SPON1: variants seen among roughly 807,000 people sequenced by gnomAD.
SPON1 encodes the protein spondin 1.
In SPON1, 52 loss-of-function variants were observed where a neutral mutation model predicts 111.7. That is an observed-to-expected ratio of 0.47 (90% CI 0.37 to 0.59). The LOEUF is 0.59. SPON1 is among the 20% of genes least tolerant of loss of function. SPON1 has a pLI of 0.00. For synonymous variants in SPON1, 410 were observed against 395.8 expected, an observed-to-expected ratio of 1.04 and a Z score of -0.43; for missense variants, 957 against 1,068.5, an observed-to-expected ratio of 0.90 and a Z score of 1.46.
chr11:14,006,499 G>A (rs1417925162), intron 2 of SPON1, among the ~76,000 whole-genome samples: 3 of 152,180 alleles, frequency 2.0e-5, no homozygotes, highest in African/African-American at 7.2e-5. Flanking sequence ...GGAGATGAAT[G>A]CCACAGACAT....
rs1849290818 is a variant in SPON1, at chr11:14,267,939, C to T, written c.*2252C>T. ...TTTCAATGCCAAACCAGCTGTGATC[C>T]AATTTACATCCACATTTTAGGTCCA... is the stretch of plus-strand genomic sequence containing the variant. On this transcript the variant is annotated 3_prime_UTR_variant, in exon 16 of 16. Coordinates refer to ENST00000576479, the MANE Select transcript of SPON1 (RefSeq NM_006108.4). 6.6e-6 allele frequency: 1 copy of T among 152,008 alleles called. No homozygotes were observed. Among genetic ancestry groups the T allele is most frequent in the African/African-American group, 2.4e-5 (1 of 41,386 alleles). The allele number at this position is 152,008 out of a possible 1,614,324, so 9.4% of individuals were successfully genotyped here.
intron 6 of SPON1, among the ~76,000 whole-genome samples, chr11:14,206,550 GA>G (rs777647922): frequency 9.2e-5 from 14 of 152,106 alleles, no homozygotes; most frequent in Non-Finnish European, 1.2e-4. Flanking sequence ...TTTGCTCTTA[GA>G]AGTAATAATT....
chr11:13,970,797 A>C (rs2133774340), intron 1 of SPON1, among the ~76,000 whole-genome samples: 1 of 152,140 alleles, frequency 6.6e-6, no homozygotes, highest in South Asian at 2.1e-4. Context: ...CTACCAATTT[A>C]TGTTTCCCGT....
intron 1 of SPON1, among the ~76,000 whole-genome samples, chr11:13,979,720 A>G (rs1335736972): frequency 6.6e-6 from 1 of 152,256 alleles, no homozygotes; most frequent in Non-Finnish European, 1.5e-5. Context: ...CAAGAGCCAC[A>G]GGGGCTGGCC....
At position 14,135,611 on chromosome 11, in the gene SPON1, A is replaced by G. The variant is rs1554928001; in HGVS notation, c.825+43A>G. On this transcript the variant is annotated intron_variant, in intron 6 of 15. Transcript: ENST00000576479. The surrounding 1 kb of genome is among the most constrained non-coding windows in gnomAD (Gnocchi z 4.4). ...CAGAATGACCAAATAACAGAAATGC[A>G]GTCAAAGCACTCCTTAGATATCTTT... 3.8e-6 allele frequency: 6 copies of G among 1,594,034 alleles called. No homozygotes were observed. The highest frequency in any genetic ancestry group is 5.2e-6 in the Non-Finnish European group (6 of 1,164,806).
chr11:14,267,004 T>G lies in SPON1; in HGVS notation c.*1317T>G, dbSNP rs1206201934. 2.0e-5 allele frequency: 3 copies of G among 152,264 alleles called. No homozygotes were observed. Among genetic ancestry groups the G allele is most frequent in the Non-Finnish European group, 4.4e-5 (3 of 68,062 alleles). The allele number at this position is 152,264 out of a possible 1,614,324, so 9.4% of individuals were successfully genotyped here. Reference sequence around the variant, plus strand: ...TCAGCAGTTTTTCTTCCTGCATTTATTGTTGAAAACTATTGTTTCATTTCT... The same window carrying G: ...TCAGCAGTTTTTCTTCCTGCATTTAGTGTTGAAAACTATTGTTTCATTTCT... On this transcript the variant is annotated 3_prime_UTR_variant, in exon 16 of 16. Transcript: ENST00000576479.
In SPON1 at chr11:14,236,826, G is replaced by A. The variant is rs563112957; in HGVS notation, c.826-6506G>A. On this transcript the variant is annotated intron_variant, in intron 6 of 15. Transcript: ENST00000576479. ...GTCAAATACTGCTGAGGGGTCACAA[G>A]AGCTGAGAGCTGGGCACTGACTTTG... 9.7e-4 allele frequency among the ~76,000 whole-genome samples: 148 copies of A among 152,338 alleles called. No individual in the cohort carries two copies. In the East Asian group the frequency reaches 0.012, roughly 12 times the overall value.
At chr11:14,031,793 T>C (rs1591356592) in intron 2 of SPON1, among the ~76,000 whole-genome samples, 1 of 152,176 alleles carries the variant, frequency 6.6e-6, no homozygotes, top group Admixed American at 6.5e-5. Context: ...CAAAAGCAAC[T>C]GTCTTTCCTT....
Position 14,246,806 on chromosome 11 carries a change from C to T in SPON1, c.890+3410C>T, listed in dbSNP as rs79039258. 8.0e-3 allele frequency among the ~76,000 whole-genome samples: 1,219 copies of T among 152,186 alleles called. 14 individuals are homozygous for T. Among genetic ancestry groups the T allele is most frequent in the African/African-American group, 0.028 (1,181 of 41,514 alleles). ...GATCACACAAATAAATGTGACATGT[C>T]TATGAAGGAAAGGCATAAAGTGCCA... On this transcript the variant is annotated intron_variant, in intron 7 of 15. Coordinates refer to ENST00000576479, the MANE Select transcript of SPON1 (RefSeq NM_006108.4).
intron 5 of SPON1, among the ~76,000 whole-genome samples, chr11:14,109,946 C>T (rs782764038): frequency 2.6e-5 from 4 of 152,186 alleles, no homozygotes; most frequent in Non-Finnish European, 5.9e-5. Flanking sequence ...CCTGCCTACT[C>T]CTGCGTCACA....
chr11:14,169,743 T>G (rs1554932232), intron 6 of SPON1, among the ~76,000 whole-genome samples: 1 of 152,198 alleles, frequency 6.6e-6, no homozygotes, highest in African/African-American at 2.4e-5. Flanking sequence ...CACAATTTAT[T>G]AAACAGGGAA....
chr11:14,174,675 G>GA (rs1320773343), intron 6 of SPON1, among the ~76,000 whole-genome samples: 3 of 149,902 alleles, frequency 2.0e-5, no homozygotes, highest in South Asian at 4.2e-4. Flanking sequence ...AGAAAAAAAA[G>GA]AAAAAAAAGG....
chr11:14,153,773 C>G (rs1194757169), intron 6 of SPON1, among the ~76,000 whole-genome samples: 25 of 152,172 alleles, frequency 1.6e-4, no homozygotes, highest in Admixed American at 1.6e-3. Context: ...CAAGGCAAGT[C>G]CATTCTGCCT....
At chr11:14,110,922 A>G (rs1238530969) in intron 5 of SPON1, among the ~76,000 whole-genome samples, 2 of 152,218 alleles carry the variant, frequency 1.3e-5, no homozygotes, top group Non-Finnish European at 2.9e-5. Flanking sequence ...CTGAGGGCAG[A>G]GACTATGTTT....
intron 1 of SPON1, 117 bp downstream of exon 1, chr11:13,963,259 G>A: frequency 4.2e-6 from 3 of 717,934 alleles, no homozygotes; most frequent in East Asian, 3.3e-5. Context: ...GGTGCAGCCC[G>A]GCAAGGGCCC....
At chr11:14,203,039 C>G (rs182345018) in intron 6 of SPON1, among the ~76,000 whole-genome samples, 1 of 152,234 alleles carries the variant, frequency 6.6e-6, no homozygotes, top group African/African-American at 2.4e-5. Context: ...GCCCTCAAAC[C>G]CCAGAAAATC....
At chr11:13,999,115 G>A (rs934435471) in intron 2 of SPON1, among the ~76,000 whole-genome samples, 25 of 152,080 alleles carry the variant, frequency 1.6e-4, no homozygotes, top group African/African-American at 6.0e-4. Context: ...AAGAGTAAAT[G>A]GGTCATAGTT....
At chr11:14,074,528 C>G (rs868942779) in intron 3 of SPON1, among the ~76,000 whole-genome samples, 1 of 152,194 alleles carries the variant, frequency 6.6e-6, no homozygotes, top group South Asian at 2.1e-4. Context: ...AGTAGCATTG[C>G]TGAAGAAAAT....
chr11:14,241,714 G>T (rs1848928814), intron 6 of SPON1, among the ~76,000 whole-genome samples: 1 of 152,164 alleles, frequency 6.6e-6, no homozygotes, highest in Non-Finnish European at 1.5e-5. Context: ...GATAGGTTGT[G>T]TTCCATATAT....
Sources: gnomAD v4.1 joint callset for allele counts (sites outside exome capture counted in the v4.1 genomes callset) on GRCh38, gnomAD v4.1.1 for gene constraint, Gnocchi (gnomAD v3.1) non-coding constraint, MANE v1.5 for transcripts, NCBI Gene and HGNC (gene_info 2026-07-23, HGNC 2026-07-21) for gene names.